Variants in LZTFL1 observed in about 807,000 individuals in gnomAD.
LZTFL1 encodes the protein leucine zipper transcription factor-like protein 1.
Under a neutral mutation model 45.9 loss-of-function variants are expected in LZTFL1, and 25 were observed. The observed-to-expected ratio is 0.54, with a 90% CI of 0.40 to 0.76. The LOEUF is 0.76. Among genes scored for constraint, LZTFL1 ranks in the 30% least tolerant of loss-of-function variants. LZTFL1 has a pLI of 0.00. For missense variants in LZTFL1, 277 were observed against 331.1 expected (o/e 0.84, Z 1.27); for synonymous variants, 93 against 117.4 (o/e 0.79, Z 1.35).
At chr3:45,880,928 C>T (rs895000610) in intron 2 of LZTFL1, among the ~76,000 whole-genome samples, 1 of 152,152 alleles carries the variant, frequency 6.6e-6, no homozygotes, top group African/African-American at 2.4e-5. Context: ...ACTGCTACAT[C>T]CAACCTCTTA....
At chr3:45,881,026 AG>A (rs999192559) in intron 2 of LZTFL1, among the ~76,000 whole-genome samples, 3 of 152,244 alleles carry the variant, frequency 2.0e-5, no homozygotes, top group African/African-American at 7.2e-5. Context: ...AATGCGTGTG[AG>A]GGCAGAAGGG....
Position 45,823,846 on chromosome 3 carries a change from G to A in LZTFL1, c.*2468C>T, listed in dbSNP as rs1452632547. 3 of 151,974 alleles carry A rather than the reference G, an allele frequency of 2.0e-5. No individual in the cohort carries two copies. The highest frequency in any genetic ancestry group is 4.4e-5 in the Non-Finnish European group (3 of 68,006). 9.4% of individuals were successfully genotyped at this position (151,974 alleles called of 1,614,324 possible). A position where few individuals can be genotyped will look rare whatever the true frequency, so the allele number is the denominator to read the frequency against. ...ACCAATATATATCTAAAAGCACCAA[G>A]GGCTTAAAATTTGAGCATCTCTATA... On this transcript the variant is annotated 3_prime_UTR_variant, in exon 10 of 10. Transcript: ENST00000296135.
intron 3 of LZTFL1, 72 bp from the exon 4 acceptor site, chr3:45,834,370 T>G: frequency 1.0e-6 from 1 of 978,716 alleles, no homozygotes; most frequent in Non-Finnish European, 1.6e-6. Context: ...AAGAGTAAAA[T>G]CACTGGTACC....
intron 2 of LZTFL1, among the ~76,000 whole-genome samples, chr3:45,880,761 T>C (rs938746717): frequency 6.6e-6 from 1 of 152,178 alleles, no homozygotes; most frequent in African/African-American, 2.4e-5. Context: ...TGATGGGAAC[T>C]TCTTGTCACT....
At position 45,840,732 on chromosome 3, in the gene LZTFL1, G is replaced by A. The variant is rs151188990; in HGVS notation, c.3+1257C>T. On this transcript the variant is annotated intron_variant, in intron 1 of 9. Transcript: ENST00000296135. ...TTGTGTATGTGTGTTTAGGGGGAAG[G>A]GGATAGAAGAGAAATGGGTAAGGTA... 2.9e-3 allele frequency among the ~76,000 whole-genome samples: 443 copies of A among 152,310 alleles called. 4 individuals are homozygous for A. The highest frequency in any genetic ancestry group is 0.014 in the Admixed American group (209 of 15,306).
chr3:45,877,253 GAC>G (rs1396895983), intron 2 of LZTFL1, among the ~76,000 whole-genome samples: 10 of 142,428 alleles, frequency 7.0e-5, no homozygotes, highest in Non-Finnish European at 1.2e-4. Context: ...TTTTTTTGGA[GAC>G]AGAGTTTTGC....
chr3:45,825,982 A>G lies in LZTFL1; in HGVS notation c.*332T>C, dbSNP rs1700652371. ...AACATTGTTAGCTTATTTAACATTT[A>G]TTAAAAATACAGACTCTTTATACTA... is the stretch of plus-strand genomic sequence containing the variant. On this transcript the variant is annotated 3_prime_UTR_variant, in exon 10 of 10. Transcript: ENST00000296135. 4.0e-6 allele frequency: 1 copy of G among 250,526 alleles called. No homozygotes were observed. Among genetic ancestry groups the G allele is most frequent in the African/African-American group, 2.2e-5 (1 of 45,046 alleles). The allele number at this position is 250,526 out of a possible 1,614,324, so 15.5% of individuals were successfully genotyped here.
chr3:45,900,813 C>G lies in LZTFL1; in HGVS notation c.-215+12307G>C, dbSNP rs1702526517. On this transcript the variant is annotated intron_variant, in intron 2 of 4. Coordinates refer to the LZTFL1 transcript ENST00000472635. This position sits in a 1 kb window ranked among gnomAD's most constrained non-coding sequence, Gnocchi z 4.7. Reference sequence around the variant, plus strand: ...GCCATCTTGTGTCCCCTTGCAGAGCCCTATTCCTAACATGGCTGATGACTA... The same window carrying G: ...GCCATCTTGTGTCCCCTTGCAGAGCGCTATTCCTAACATGGCTGATGACTA... The G allele has an allele frequency of 3.1e-6, 5 of 1,610,010 alleles. No homozygotes were observed. In the South Asian group the frequency reaches 5.5e-5, roughly 18 times the overall value.
At chr3:45,842,266 G>T, upstream of LZTFL1, 2 of 1,086,206 alleles carry the variant, frequency 1.8e-6, no homozygotes, top group Non-Finnish European at 2.5e-6. Context: ...TTTTGTGCCA[G>T]TTCACTTTTG....
upstream of LZTFL1, among the ~76,000 whole-genome samples, chr3:45,842,503 C>CA (rs1208765480): frequency 1.3e-5 from 2 of 151,936 alleles, no homozygotes; most frequent in African/African-American, 4.8e-5. Flanking sequence ...GGAGTTCCTA[C>CA]CTGAGCATCA....
chr3:45,866,886 G>A (rs186703870), intron 2 of LZTFL1, among the ~76,000 whole-genome samples: 1 of 152,084 alleles, frequency 6.6e-6, no homozygotes, highest in African/African-American at 2.4e-5. Flanking sequence ...AGTGGCTCAC[G>A]CCTGTAATCC....
upstream of LZTFL1, among the ~76,000 whole-genome samples, chr3:45,844,911 T>C (rs1326815969): frequency 6.6e-6 from 1 of 152,188 alleles, no homozygotes; most frequent in Non-Finnish European, 1.5e-5. Flanking sequence ...TACAACTCCC[T>C]CTAAGAATGT....
At position 45,825,582 on chromosome 3, in the gene LZTFL1, G is replaced by A. The variant is rs1700643153; in HGVS notation, c.*732C>T. ...AAATATTACATTTATTCTGAGTCCAGATACTTTCTAAACTGTAGAAGTGCA... is the reference window on the plus strand; with the variant it reads ...AAATATTACATTTATTCTGAGTCCAAATACTTTCTAAACTGTAGAAGTGCA... On this transcript the variant is annotated 3_prime_UTR_variant, in exon 10 of 10. Transcript: ENST00000296135. 6.6e-6 allele frequency: 1 copy of A among 152,112 alleles called. No homozygotes were observed. Among genetic ancestry groups the A allele is most frequent in the Admixed American group, 6.5e-5 (1 of 15,280 alleles). The allele number at this position is 152,112 out of a possible 1,614,324, so 9.4% of individuals were successfully genotyped here.
rs1702552319 is a variant in LZTFL1 at position 45,901,396 on chromosome 3, C to G, written c.-215+11724G>C. ...ATTGCTATCTGCACCATGGTTTACC[C>G]TAGCGATGAGAGCACCAAACTGAAG... On this transcript the variant is annotated intron_variant, in intron 2 of 4. Coordinates refer to the LZTFL1 transcript ENST00000472635. The surrounding 1 kb of genome is among the most constrained non-coding windows in gnomAD (Gnocchi z 4.3). The G allele has an allele frequency of 6.2e-7, 1 of 1,614,194 alleles. No homozygotes were observed. Among genetic ancestry groups the G allele is most frequent in the Non-Finnish European group, 8.5e-7 (1 of 1,180,030 alleles).
chr3:45,862,099 A>G (rs1294202096), intron 2 of LZTFL1, among the ~76,000 whole-genome samples: 3 of 152,218 alleles, frequency 2.0e-5, no homozygotes, highest in African/African-American at 4.8e-5. Flanking sequence ...AGCACCTGAT[A>G]TATATGTGAG....
chr3:45,898,949 CG>C (rs1702458123), intron 2 of LZTFL1, among the ~76,000 whole-genome samples: 1 of 152,036 alleles, frequency 6.6e-6, no homozygotes. Context: ...GGGTGGATTA[CG>C]AGGTCAGAAG....
intron 2 of LZTFL1, among the ~76,000 whole-genome samples, chr3:45,837,499 A>ACCTGC (rs1426866399): frequency 6.6e-6 from 1 of 152,256 alleles, no homozygotes; most frequent in Non-Finnish European, 1.5e-5. Flanking sequence ...AGTCAGCATT[A>ACCTGC]TGATTTCCTG....
At chr3:45,897,726 C>A in intron 2 of LZTFL1, 5 of 792,052 alleles carry the variant, frequency 6.3e-6, no homozygotes, top group Non-Finnish European at 9.8e-6. Context: ...GCTTGTCCTT[C>A]TGCCAAGCAT....
upstream of LZTFL1, chr3:45,842,203 T>A (rs968343960): frequency 4.1e-5 from 58 of 1,431,952 alleles, no homozygotes; most frequent in Admixed American, 7.8e-5. Context: ...AAGTATTGCG[T>A]AACCGGTTGA....
Sources: gnomAD v4.1 joint callset for allele counts (sites outside exome capture counted in the v4.1 genomes callset) on GRCh38, gnomAD v4.1.1 for gene constraint, Gnocchi (gnomAD v3.1) non-coding constraint, MANE v1.5 for transcripts, NCBI Gene and HGNC (gene_info 2026-07-23, HGNC 2026-07-21) for gene names.